STRN4: variants seen among roughly 807,000 people sequenced by gnomAD.
STRN4 encodes striatin-4.
A neutral mutation model predicts 77.9 loss-of-function variants in STRN4; 27 were observed. The ratio of observed to expected loss-of-function variants is 0.35; its 90% CI spans 0.26 to 0.48. The LOEUF is 0.48. Ranked by LOEUF, STRN4 falls within the 20% of genes least tolerant of loss-of-function variation. The pLI is 0.99. For synonymous variants in STRN4, 466 were observed against 443.1 expected (o/e 1.05, Z -0.65); for missense variants, 798 against 1,049.7 (o/e 0.76, Z 3.31).
At chr19:46,737,092 T>C (rs539250506) in intron 3 of STRN4, among the ~76,000 whole-genome samples, 191 bp from the exon 4 acceptor site, 1 of 152,294 alleles carries the variant, frequency 6.6e-6, no homozygotes, top group South Asian at 2.1e-4. Context: ...GTTCCTCATC[T>C]CTAGGTCTCC....
rs1170627172 is a variant in STRN4 at position 46,741,357 on chromosome 19, T to C, written c.283-2469A>G. Among the ~76,000 whole-genome samples the C allele has an allele frequency of 6.6e-6, 1 of 152,146 alleles. No homozygotes were observed. The highest frequency in any genetic ancestry group is 2.4e-5 in the African/African-American group (1 of 41,426). Reference sequence around the variant, plus strand: ...CCTCTGCTGCCTCATCGAGCTGTGGTCTCCCTCCTCCTAATGAGGATGTGA... The same window carrying C: ...CCTCTGCTGCCTCATCGAGCTGTGGCCTCCCTCCTCCTAATGAGGATGTGA... On this transcript the variant is annotated intron_variant, in intron 1 of 17. Coordinates refer to ENST00000263280, the MANE Select transcript of STRN4 (RefSeq NM_013403.3). The surrounding 1 kb of genome is among the most constrained non-coding windows in gnomAD (Gnocchi z 4.9).
chr19:46,720,083 C>T lies in STRN4; in HGVS notation c.*322G>A, dbSNP rs142658708. The T allele has an allele frequency of 3.3e-3, 503 of 152,648 alleles. 2 individuals carry two copies. The highest frequency in any genetic ancestry group is 0.012 in the African/African-American group (486 of 41,584). 9.5% of individuals were successfully genotyped at this position (152,648 alleles called of 1,614,324 possible). ...TCTGGAGTCTTGGAAAAACTGATCC[C>T]TAAAGACACCCGGCCCTGGCTGTGC... On this transcript the variant is annotated 3_prime_UTR_variant, in exon 18 of 18. Coordinates refer to ENST00000263280, the MANE Select transcript of STRN4 (RefSeq NM_013403.3).
intron 3 of STRN4, among the ~76,000 whole-genome samples, chr19:46,737,177 TGA>T (rs1275376044): frequency 6.6e-6 from 1 of 152,192 alleles, no homozygotes; most frequent in Non-Finnish European, 1.5e-5. Flanking sequence ...GGCCTGGTTC[TGA>T]GAGAAGGGCC....
chr19:46,743,469 T>G (rs1406519819), intron 1 of STRN4, among the ~76,000 whole-genome samples: 1 of 152,194 alleles, frequency 6.6e-6, no homozygotes, highest in Admixed American at 6.5e-5. Flanking sequence ...GGTGCACTGG[T>G]GCAAAGTCCC....
Position 46,738,236 on chromosome 19 carries a change from C to A in STRN4, c.388G>T (p.Ala130Ser). The change falls in exon 3 of 18, where the codon GCC (alanine) becomes TCC (serine). Residue 130 changes from alanine (A) to serine (S), a missense_variant and splice_region_variant. Ala to Ser is a moderately conservative substitution (Grantham distance 99, BLOSUM62 1). This residue lies in a region of STRN4 where 511 missense variants were observed against 575.9 expected (regional missense o/e 0.89). Transcript: ENST00000263280. This position sits in a 1 kb window ranked among gnomAD's most constrained non-coding sequence, Gnocchi z 4.5. The stretch of plus-strand genomic sequence containing the variant: ...CCAAACTTCAGTTTATGATATTTGG[C>A]CCTAAAAGAGCAAATGATTAATGAA... ...MLEYALKQER[A>S]KYHKLKFGTD... 1 of 1,613,930 alleles carries A rather than the reference C, an allele frequency of 6.2e-7. No individual in the cohort carries two copies. The highest frequency in any genetic ancestry group is 8.5e-7 in the Non-Finnish European group (1 of 1,179,846).
chr19:46,731,449 T>G, intron 5 of STRN4: 1 of 154,688 alleles, frequency 6.5e-6, no homozygotes, highest in South Asian at 1.9e-4. Context: ...TGACAAGTTA[T>G]AGCAGAGGAG....
Position 46,741,888 on chromosome 19 carries a change from T to A in STRN4, c.283-3000A>T, listed in dbSNP as rs551861446. ...GGCCTCCTTCCCAAGCTTCAGCAGC[T>A]GCTGGCAGGAATGGGCCCCCAGGAA... On this transcript the variant is annotated intron_variant, in intron 1 of 17. Transcript: ENST00000263280. This position sits in a 1 kb window ranked among gnomAD's most constrained non-coding sequence, Gnocchi z 4.9. 5.1e-4 allele frequency among the ~76,000 whole-genome samples: 78 copies of A among 152,356 alleles called. No individual in the cohort carries two copies. Among genetic ancestry groups the A allele is most frequent in the African/African-American group, 1.9e-3 (78 of 41,588 alleles).
Position 46,725,513 on chromosome 19 carries a change from GCGTGC to G in STRN4, c.1379_1383del (p.Gly460AlafsTer43). 1.2e-6 allele frequency: 2 copies of G among 1,614,194 alleles called. No homozygotes were observed. The highest frequency in any genetic ancestry group is 1.7e-6 in the Non-Finnish European group (2 of 1,180,032). ...GCCTTCTGCAGGTTCCAGAGCTTGA[GCGTGC>G]CGTCCTCGGAGGCGGTGAGCAGAGC... On this transcript the variant is annotated frameshift_variant, in exon 10 of 18. Transcript: ENST00000263280. LOFTEE classifies it high-confidence loss of function.
At position 46,727,560 on chromosome 19, in the gene STRN4, A is replaced by C. The variant is rs897793232; in HGVS notation, c.1154-14T>G. On this transcript the variant is annotated splice_polypyrimidine_tract_variant and intron_variant, in intron 8 of 17. Transcript: ENST00000263280. Reference sequence around the variant, plus strand: ...TGATGAAGACGTCTGAGGAGAAGCCAAAGGAACCTGGTAGGGGGAGGGGAG... The same window carrying C: ...TGATGAAGACGTCTGAGGAGAAGCCCAAGGAACCTGGTAGGGGGAGGGGAG... 1.4e-5 allele frequency: 23 copies of C among 1,613,048 alleles called. No individual in the cohort carries two copies. The highest frequency in any genetic ancestry group is 1.8e-5 in the Non-Finnish European group (21 of 1,179,394).
intron 1 of STRN4, among the ~76,000 whole-genome samples, chr19:46,744,991 G>A (rs1031697520): frequency 7.2e-5 from 11 of 151,842 alleles, no homozygotes; most frequent in African/African-American, 2.2e-4. Context: ...AAAAACCACG[G>A]GGTCTTTTCC....
chr19:46,740,671 C>T (rs1490533286), intron 1 of STRN4, among the ~76,000 whole-genome samples: 2 of 152,232 alleles, frequency 1.3e-5, no homozygotes, highest in Non-Finnish European at 2.9e-5. Flanking sequence ...TTGGTCAATA[C>T]CTGCCACTGT....
intron 16 of STRN4, chr19:46,721,320 G>T: frequency 6.5e-6 from 1 of 153,400 alleles, no homozygotes; most frequent in South Asian, 2.0e-4. Flanking sequence ...CAGGGCAAAG[G>T]CTCAGCTCCC....
chr19:46,733,229 C>T lies in STRN4; in HGVS notation c.547G>A (p.Glu183Lys). 1 of 1,610,060 alleles carries T rather than the reference C, an allele frequency of 6.2e-7. No individual in the cohort carries two copies. The highest frequency in any genetic ancestry group is 1.1e-5 in the South Asian group (1 of 91,046). Residue 183 changes from glutamate to lysine, a missense_variant, in exon 5 of 18, where the codon GAA becomes AAA. Transcript: ENST00000263280. This position sits in a 1 kb window ranked among gnomAD's most constrained non-coding sequence, Gnocchi z 4.3. ...ATGGTGTCTGTGTAGCCCACCTCTT[C>T]CAGGTACCTGCAGGGGTGCAGAGCC... ...EGRQLLRQYL[E>K]EVGYTDTILD...
chr19:46,722,842 G>A lies in STRN4; in HGVS notation c.1874C>T (p.Ala625Val). Residue 625 changes from alanine (A) to valine (V), a missense_variant, in exon 14 of 18, where the codon GCC becomes GTC. Transcript: ENST00000263280. ...TVLYDMEVGSALLTLESRGSS... is the reference protein window; with the variant it reads ...TVLYDMEVGSVLLTLESRGSS... ...GCCCCGGGACTCCAGCGTGAGGAGG[G>A]CACTGCCAACCTCCATGTCATACAA... 6.2e-7 allele frequency: 1 copy of A among 1,613,892 alleles called. No homozygotes were observed. Among genetic ancestry groups the A allele is most frequent in the Non-Finnish European group, 8.5e-7 (1 of 1,180,038 alleles).
At chr19:46,729,535 T>C (rs2054202062) in intron 6 of STRN4, among the ~76,000 whole-genome samples, 1 of 152,108 alleles carries the variant, frequency 6.6e-6, no homozygotes, top group Non-Finnish European at 1.5e-5. Flanking sequence ...AGGGCCAAGG[T>C]TTATTCAACA....
At chr19:46,725,720 G>C in intron 9 of STRN4, 72 bp from the exon 10 acceptor site, 1 of 1,554,702 alleles carries the variant, frequency 6.4e-7, no homozygotes, top group African/African-American at 1.4e-5. Flanking sequence ...GACACCCAGG[G>C]CTTGAGGGCC....
chr19:46,737,082 G>C (rs570238758), intron 3 of STRN4, among the ~76,000 whole-genome samples, 181 bp from the exon 4 acceptor site: 1 of 152,126 alleles, frequency 6.6e-6, no homozygotes, highest in African/African-American at 2.4e-5. Context: ...TCCTTGAAGC[G>C]TTCCTCATCT....
At chr19:46,727,646 A>T (rs1330229766) in intron 8 of STRN4, 100 bp from the exon 9 acceptor site, 2 of 967,966 alleles carry the variant, frequency 2.1e-6, no homozygotes, top group Non-Finnish European at 3.2e-6. Flanking sequence ...AAAGAGATAA[A>T]GAGCAAGAGA....
At chr19:46,745,446 C>G (rs1274751837) in intron 1 of STRN4, among the ~76,000 whole-genome samples, 32 of 152,140 alleles carry the variant, frequency 2.1e-4, no homozygotes, top group Non-Finnish European at 1.5e-5. Flanking sequence ...TCCTGGACCC[C>G]TTGAAACCCT....
Sources: gnomAD v4.1 joint callset for allele counts (sites outside exome capture counted in the v4.1 genomes callset) on GRCh38, gnomAD v4.1.1 for gene constraint, gnomAD v4.1.1 regional missense constraint, Gnocchi (gnomAD v3.1) non-coding constraint, MANE v1.5 for transcripts, NCBI Gene and HGNC (gene_info 2026-07-23, HGNC 2026-07-21) for gene names.